The following TYMS variants were observed in gnomAD, a reference collection of about 807,000 sequenced individuals.
TYMS encodes the protein thymidylate synthase.
A neutral mutation model predicts 39.3 loss-of-function variants in TYMS; 21 were observed. That is an observed-to-expected ratio of 0.54 (90% CI 0.38 to 0.77). TYMS has a LOEUF of 0.77. TYMS is among the 30% of genes least tolerant of loss of function. TYMS has a pLI of 0.00. For missense variants in TYMS, 273 were observed against 406.7 expected, an observed-to-expected ratio of 0.67 and a Z score of 2.83; for synonymous variants, 171 against 162.2, an observed-to-expected ratio of 1.05 and a Z score of -0.41.
chr18:669,835 A>G (rs1427504894), intron 4 of TYMS, among the ~76,000 whole-genome samples: 2 of 151,230 alleles, frequency 1.3e-5, no homozygotes, highest in Non-Finnish European at 3.0e-5. Context: ...GGTGGCTCAC[A>G]CCTGTAATTC....
At chr18:667,597 ATGGT>A in intron 3 of TYMS, 1 of 103,960 alleles carries the variant, frequency 9.6e-6, no homozygotes, top group African/African-American at 4.8e-5. Context: ...GGTGATGGTG[ATGGT>A]GATGGTGATG....
chr18:657,790 C>T lies in TYMS; in HGVS notation c.48C>T (p.Ala16=). Residue 16 remains alanine (A), a synonymous_variant, in exon 1 of 7, where the codon GCC becomes GCT. Coordinates refer to ENST00000323274, the MANE Select transcript of TYMS (RefSeq NM_001071.4). The part of the protein sequence containing the change: ...SELPRRPLPP[A]AQERDAEPRP... ...TGCCGCGCCGGCCCTTGCCCCCCGCCGCACAGGAGCGGGACGCCGAGCCGC... is the reference window on the plus strand; with the variant it reads ...TGCCGCGCCGGCCCTTGCCCCCCGCTGCACAGGAGCGGGACGCCGAGCCGC... 2 of 1,456,684 alleles carry T rather than the reference C, an allele frequency of 1.4e-6. No homozygotes were observed. Among genetic ancestry groups the T allele is most frequent in the Non-Finnish European group, 1.8e-6 (2 of 1,111,176 alleles). The allele number at this position is 1,456,684 out of a possible 1,614,324, so 90.2% of individuals were successfully genotyped here.
Position 657,662 on chromosome 18 carries a change from GCCTCCGTCCCGCCGCGCC to G in TYMS, c.-80_-63del. On this transcript the variant is annotated 5_prime_UTR_variant, in exon 1 of 7. Transcript: ENST00000323274. ...GTCCTGCCACCGCGCCACTTGGCCT[GCCTCCGTCCCGCCGCGCC>G]ACTTGGCCTGCCTCCGTCCCGCCGC... is the stretch of plus-strand genomic sequence containing the variant. The G allele has an allele frequency of 5.8e-6, 2 of 343,618 alleles. No homozygotes were observed. Among genetic ancestry groups the G allele is most frequent in the Non-Finnish European group, 8.1e-6 (2 of 248,322 alleles). 21.3% of individuals were successfully genotyped at this position (343,618 alleles called of 1,614,324 possible).
intron 2 of TYMS, among the ~76,000 whole-genome samples, chr18:661,260 T>C (rs941901898): frequency 6.6e-6 from 1 of 152,118 alleles, no homozygotes; most frequent in African/African-American, 2.4e-5. Context: ...AGAAATAAAA[T>C]GCATTCCCCT....
chr18:659,292 C>T (rs1254327380), intron 1 of TYMS, among the ~76,000 whole-genome samples: 1 of 152,138 alleles, frequency 6.6e-6, no homozygotes, highest in African/African-American at 2.4e-5. Context: ...GGGACACATG[C>T]TTGGTGTTGT....
At chr18:668,868 CCA>C (rs1423128002) in intron 3 of TYMS, among the ~76,000 whole-genome samples, 2 of 151,892 alleles carry the variant, frequency 1.3e-5, no homozygotes, top group African/African-American at 4.8e-5. Flanking sequence ...TGTTAGGGCT[CCA>C]GAGGACAGAG....
rs577616056 is a variant in TYMS at position 671,293 on chromosome 18, C to T, written c.733-87C>T. ...AATTATTTTTTTAAAAAAAGCCTTG[C>T]GGTGTCTGCATATTCTAATGTTTTT... On this transcript the variant is annotated intron_variant, in intron 5 of 6. Coordinates refer to ENST00000323274, the MANE Select transcript of TYMS (RefSeq NM_001071.4). 328 of 883,790 alleles carry T rather than the reference C, an allele frequency of 3.7e-4. 1 individual carries two copies. The African/African-American group carries it at 4.3e-3, about 12-fold the overall frequency. The allele number at this position is 883,790 out of a possible 1,614,324, so 54.7% of individuals were successfully genotyped here. A position where few individuals can be genotyped will look rare whatever the true frequency, so the allele number is the denominator to read the frequency against.
At chr18:659,023 C>A (rs529886190) in intron 1 of TYMS, among the ~76,000 whole-genome samples, 1 of 152,180 alleles carries the variant, frequency 6.6e-6, no homozygotes, top group East Asian at 1.9e-4. Flanking sequence ...GAGCCATAGA[C>A]CTCATTTTTA....
At chr18:671,182 G>A (rs2075028918) in intron 5 of TYMS, 198 bp from the exon 6 acceptor site, 2 of 614,220 alleles carry the variant, frequency 3.3e-6, no homozygotes, top group East Asian at 5.5e-5. Flanking sequence ...TGAGACAGGA[G>A]CAATTGCTTG....
chr18:668,988 A>T (rs947605155), intron 3 of TYMS, 84 bp from the exon 4 acceptor site: 10 of 1,140,934 alleles, frequency 8.8e-6, no homozygotes, highest in Non-Finnish European at 1.3e-5. Context: ...TGGGTAAGAG[A>T]CTGTAATAGA....
At chr18:671,864 C>T (rs2075072813) in intron 6 of TYMS, 1 of 181,002 alleles carries the variant, frequency 5.5e-6, no homozygotes, top group Non-Finnish European at 1.1e-5. Flanking sequence ...ACTGCAACCT[C>T]CACCTCCCGG....
rs897610784 is a variant in TYMS at position 658,349 on chromosome 18, C to T, written c.205+402C>T. 3.0e-6 allele frequency: 4 copies of T among 1,321,210 alleles called. No homozygotes were observed. The highest frequency in any genetic ancestry group is 4.8e-5 in the East Asian group (1 of 20,792). 81.8% of individuals were successfully genotyped at this position (1,321,210 alleles called of 1,614,324 possible). A position where few individuals can be genotyped will look rare whatever the true frequency, so the allele number is the denominator to read the frequency against. On this transcript the variant is annotated intron_variant, in intron 1 of 6. Transcript: ENST00000323274. This position sits in a 1 kb window ranked among gnomAD's most constrained non-coding sequence, Gnocchi z 4.5. ...GCTTTGGCCCCTCCTCCGTTTTCCCCTGTGGACCATTCCGCTTCGCAGCGT... is the reference window on the plus strand; with the variant it reads ...GCTTTGGCCCCTCCTCCGTTTTCCCTTGTGGACCATTCCGCTTCGCAGCGT...
At chr18:666,753 T>C (rs1455483549) in intron 3 of TYMS, among the ~76,000 whole-genome samples, 1 of 152,266 alleles carries the variant, frequency 6.6e-6, no homozygotes, top group Admixed American at 6.5e-5. Flanking sequence ...TTAAAAATGC[T>C]GTGTGGACCT....
At position 673,070 on chromosome 18, in the gene TYMS, T is replaced by C; in HGVS notation, c.*73T>C. On this transcript the variant is annotated 3_prime_UTR_variant, in exon 7 of 7. Coordinates refer to ENST00000323274, the MANE Select transcript of TYMS (RefSeq NM_001071.4). ...GGCTGGATGCCGAGGTAAAAGTTCT[T>C]TTTGCTCTAAAAGAAAAAGGAACTA... The C allele has an allele frequency of 7.0e-7, 1 of 1,424,044 alleles. No homozygotes were observed. Among genetic ancestry groups the C allele is most frequent in the Non-Finnish European group, 9.3e-7 (1 of 1,070,782 alleles). The allele number at this position is 1,424,044 out of a possible 1,614,324, so 88.2% of individuals were successfully genotyped here. A position where few individuals can be genotyped will look rare whatever the true frequency, so the allele number is the denominator to read the frequency against.
In TYMS at chr18:669,257, G is replaced by C. The variant is rs552913592; in HGVS notation, c.556+84G>C. 7.6e-5 allele frequency: 90 copies of C among 1,184,532 alleles called. No individual in the cohort carries two copies. The African/African-American group carries it at 1.3e-3, about 17-fold the overall frequency. 73.4% of individuals were successfully genotyped at this position (1,184,532 alleles called of 1,614,324 possible). A position where few individuals can be genotyped will look rare whatever the true frequency, so the allele number is the denominator to read the frequency against. ...TGGTTTTGTGCAGAGGCACCTGAGG[G>C]AGGCAGGACCCTGGGAACTTCCCCC... is the stretch of plus-strand genomic sequence containing the variant. On this transcript the variant is annotated intron_variant, in intron 4 of 6. Transcript: ENST00000323274.
At chr18:668,038 A>T (rs2853527) in intron 3 of TYMS, among the ~76,000 whole-genome samples, 51,680 of 137,754 alleles carry the variant, frequency 0.38, 10,712 homozygotes, top group East Asian at 0.66. Context: ...CCCTGGACAC[A>T]CTACCCAGTT....
Position 673,215 on chromosome 18 carries a change from C to T in TYMS, c.*218C>T, listed in dbSNP as rs1005606851. 2 of 408,998 alleles carry T rather than the reference C, an allele frequency of 4.9e-6. No individual in the cohort carries two copies. The highest frequency in any genetic ancestry group is 3.9e-5 in the African/African-American group (2 of 50,952). The allele number at this position is 408,998 out of a possible 1,614,324, so 25.3% of individuals were successfully genotyped here. A position where few individuals can be genotyped will look rare whatever the true frequency, so the allele number is the denominator to read the frequency against. On this transcript the variant is annotated 3_prime_UTR_variant, in exon 7 of 7. Coordinates refer to ENST00000323274, the MANE Select transcript of TYMS (RefSeq NM_001071.4). Reference sequence around the variant, plus strand: ...CTTTGAGTTAACTCACTGAGGGTATCTGACAATGCTGAGGTTATGAACAAA... The same window carrying T: ...CTTTGAGTTAACTCACTGAGGGTATTTGACAATGCTGAGGTTATGAACAAA...
chr18:659,579 A>G, intron 1 of TYMS, 62 bp from the exon 2 acceptor site: 1 of 1,482,328 alleles, frequency 6.7e-7, no homozygotes, highest in Non-Finnish European at 9.4e-7. Context: ...TCTTCCCTGA[A>G]GAAAGTTGGA....
Position 657,937 on chromosome 18 carries a change from C to T in TYMS, c.195C>T (p.Tyr65=). The T allele has an allele frequency of 1.3e-6, 2 of 1,506,182 alleles. No homozygotes were observed. The highest frequency in any genetic ancestry group is 8.8e-7 in the Non-Finnish European group (1 of 1,132,978). 93.3% of individuals were successfully genotyped at this position (1,506,182 alleles called of 1,614,324 possible). A position where few individuals can be genotyped will look rare whatever the true frequency, so the allele number is the denominator to read the frequency against. ...CGGTATTCGGCATGCAGGCGCGCTA[C>T]AGCCTGAGAGGTGACGCCGCGGGCC... ...TLSVFGMQAR[Y]SLRDEFPLLT... Residue 65 remains tyrosine, a synonymous_variant, in exon 1 of 7, where the codon TAC becomes TAT. Coordinates refer to ENST00000323274, the MANE Select transcript of TYMS (RefSeq NM_001071.4).
Sources: allele counts gnomAD v4.1 joint callset (sites outside exome capture counted in the v4.1 genomes callset), GRCh38; gene constraint gnomAD v4.1.1; non-coding constraint Gnocchi (gnomAD v3.1); transcripts MANE v1.5; gene names NCBI Gene and HGNC (gene_info 2026-07-23, HGNC 2026-07-21).